Variants in PYGB observed in about 807,000 individuals in gnomAD.
PYGB encodes the protein glycogen phosphorylase, brain form.
PYGB carries 82 observed loss-of-function variants against 94.3 expected under a neutral mutation model. The ratio of observed to expected loss-of-function variants is 0.87; its 90% CI spans 0.73 to 1.04. The LOEUF (loss-of-function observed/expected upper bound fraction) is 1.04, where lower values mean the gene tolerates loss of function less well. Among genes scored for constraint, PYGB ranks in the 50% least tolerant of loss-of-function variants. PYGB has a pLI of 0.00. For synonymous variants in PYGB, 488 were observed against 479.1 expected (o/e 1.02, Z -0.24); for missense variants, 1,132 against 1,158.2 (o/e 0.98, Z 0.33).
Position 25,295,672 on chromosome 20 carries a change from T to G in PYGB, c.2379+2T>G. On this transcript the variant is annotated splice_donor_variant, in intron 19 of 19. Coordinates refer to ENST00000216962, the MANE Select transcript of PYGB (RefSeq NM_002862.4). LOFTEE classifies it high-confidence loss of function. ...GCACAGGTGGACCAGCTGTACCGGG[T>G]GAGGCTCCTGGGTCCAGAGGCTAGG... 6.2e-7 allele frequency: 1 copy of G among 1,612,690 alleles called. No individual in the cohort carries two copies. The highest frequency in any genetic ancestry group is 1.3e-5 in the African/African-American group (1 of 75,024).
intron 1 of PYGB, among the ~76,000 whole-genome samples, chr20:25,251,890 C>G (rs1010698590): frequency 6.6e-6 from 1 of 152,174 alleles, no homozygotes; most frequent in African/African-American, 2.4e-5. Context: ...GAGATAAACA[C>G]AATGAAATAC....
At chr20:25,287,893 AT>A (rs2088431387) in intron 14 of PYGB, among the ~76,000 whole-genome samples, 1 of 151,936 alleles carries the variant, frequency 6.6e-6, no homozygotes, top group African/African-American at 2.4e-5. Flanking sequence ...AGGTGGGAGG[AT>A]TGCTTGAACC....
intron 14 of PYGB, among the ~76,000 whole-genome samples, chr20:25,286,837 C>T (rs2088422406): frequency 6.6e-6 from 1 of 152,240 alleles, no homozygotes; most frequent in African/African-American, 2.4e-5. Flanking sequence ...ACTCCCATGA[C>T]CCTGTCCCCT....
chr20:25,293,675 GC>G (rs1448369876), intron 17 of PYGB, among the ~76,000 whole-genome samples: 2 of 152,172 alleles, frequency 1.3e-5, no homozygotes, highest in African/African-American at 4.8e-5. Context: ...GCCCATGTCT[GC>G]CCGTCCGTCC....
At chr20:25,265,453 T>C (rs1455475408) in intron 2 of PYGB, among the ~76,000 whole-genome samples, 4 of 152,238 alleles carry the variant, frequency 2.6e-5, no homozygotes, top group Non-Finnish European at 5.9e-5. Flanking sequence ...TTATAGTTTT[T>C]ATTTGCATGT....
intron 4 of PYGB, among the ~76,000 whole-genome samples, chr20:25,273,229 T>A (rs867203901): frequency 7.5e-4 from 115 of 152,324 alleles, no homozygotes; most frequent in African/African-American, 2.5e-3. Context: ...GGGAAGCTGT[T>A]GCTTCTGCCG....
At chr20:25,279,892 T>C (rs1220273827) in intron 9 of PYGB, among the ~76,000 whole-genome samples, 1 of 152,186 alleles carries the variant, frequency 6.6e-6, no homozygotes, top group Non-Finnish European at 1.5e-5. Flanking sequence ...TAGTAACCAG[T>C]GTCCTCCCCA....
At position 25,278,312 on chromosome 20, in the gene PYGB, T is replaced by C; in HGVS notation, c.856-7T>C. The stretch of plus-strand genomic sequence containing the variant: ...CTGCACCCTCCAGCTTGCTCTGCTG[T>C]GTGCAGTTCTTTGAGGGGAAGGAGC... On this transcript the variant is annotated splice_region_variant and splice_polypyrimidine_tract_variant and intron_variant, in intron 7 of 19. Transcript: ENST00000216962. 5 of 1,358,538 alleles carry C rather than the reference T, an allele frequency of 3.7e-6. No individual in the cohort carries two copies. The highest frequency in any genetic ancestry group is 3.9e-6 in the Non-Finnish European group (4 of 1,034,742). The allele number at this position is 1,358,538 out of a possible 1,614,324, so 84.2% of individuals were successfully genotyped here.
intron 12 of PYGB, 122 bp downstream of exon 12, chr20:25,282,269 G>A: frequency 1.3e-6 from 1 of 779,970 alleles, no homozygotes; most frequent in Non-Finnish European, 2.0e-6. Flanking sequence ...GTGTTGACCT[G>A]CAGGCTTCTG....
intron 2 of PYGB, among the ~76,000 whole-genome samples, chr20:25,261,388 A>C (rs1246203286): frequency 1.3e-5 from 2 of 152,152 alleles, no homozygotes; most frequent in Non-Finnish European, 2.9e-5. Context: ...GTGGACCTCC[A>C]GCAAACTCCA....
chr20:25,272,228 T>C (rs1194722938), intron 4 of PYGB, among the ~76,000 whole-genome samples: 2 of 152,202 alleles, frequency 1.3e-5, no homozygotes, highest in African/African-American at 4.8e-5. Context: ...ATAAAGCTGG[T>C]CTGGGATTAG....
In PYGB at chr20:25,289,512, G is replaced by A. The variant is rs141485214; in HGVS notation, c.1828-969G>A. 1.4e-3 allele frequency among the ~76,000 whole-genome samples: 207 copies of A among 152,184 alleles called. 1 individual carries two copies. Among genetic ancestry groups the A allele is most frequent in the African/African-American group, 4.7e-3 (195 of 41,514 alleles). On this transcript the variant is annotated intron_variant, in intron 15 of 19. Coordinates refer to ENST00000216962, the MANE Select transcript of PYGB (RefSeq NM_002862.4). The stretch of plus-strand genomic sequence containing the variant: ...AGTGCAAAAATTAGCTGGGCGTGGT[G>A]GTTCATGTCTGTAGTCCCAGTTACT...
chr20:25,254,710 A>G (rs1291081239), intron 1 of PYGB, among the ~76,000 whole-genome samples: 4 of 152,260 alleles, frequency 2.6e-5, no homozygotes, highest in Admixed American at 6.5e-5. Context: ...GACACGGTCC[A>G]GATCACTTAG....
rs377078051 is a variant in PYGB at position 25,248,354 on chromosome 20, C to T, written c.176C>T (p.Thr59Met). The T allele has an allele frequency of 1.7e-5, 27 of 1,599,820 alleles. No individual in the cohort carries two copies. The highest frequency in any genetic ancestry group is 2.1e-5 in the Non-Finnish European group (25 of 1,174,350). The change falls in exon 1 of 20, where the codon ACG becomes ATG. Residue 59 changes from threonine to methionine, a missense_variant. Coordinates refer to ENST00000216962, the MANE Select transcript of PYGB (RefSeq NM_002862.4). ...PRDYFFALAHTVRDHLVGRWI... is the reference protein window; with the variant it reads ...PRDYFFALAHMVRDHLVGRWI... ...GACTACTTCTTCGCGCTGGCGCACA[C>T]GGTGCGCGACCACCTCGTGGGCCGC...
Position 25,284,158 on chromosome 20 carries a change from A to G in PYGB, c.1675A>G (p.Asn559Asp), listed in dbSNP as rs1487059262. 6.2e-7 allele frequency: 1 copy of G among 1,614,046 alleles called. No homozygotes were observed. The highest frequency in any genetic ancestry group is 1.1e-5 in the South Asian group (1 of 91,076). Residue 559 changes from asparagine to aspartate, a missense_variant, in exon 14 of 20, where the codon AAC becomes GAC. Asn to Asp is a conservative substitution (Grantham distance 23). Transcript: ENST00000216962. ...GGAGAAGGAGTACAAGGTGAAGATCAACCCCTCCTCCATGTTCGATGTGCA... is the reference window on the plus strand; with the variant it reads ...GGAGAAGGAGTACAAGGTGAAGATCGACCCCTCCTCCATGTTCGATGTGCA... ...FLEKEYKVKI[N>D]PSSMFDVHVK...
intron 15 of PYGB, chr20:25,289,928 C>T (rs2474775): frequency 0.012 from 6,455 of 533,534 alleles, 222 homozygotes; most frequent in African/African-American, 0.084. Flanking sequence ...AATGTTCACT[C>T]GGGTACTTCA....
intron 1 of PYGB, among the ~76,000 whole-genome samples, chr20:25,248,894 C>CT (rs11473890): frequency 0.021 from 3,217 of 152,126 alleles, 121 homozygotes; most frequent in African/African-American, 0.071. Context: ...AATTGTGAGA[C>CT]TTTTTTTTGT....
Position 25,277,263 on chromosome 20 carries a change from C to A in PYGB, c.792C>A (p.Ile264=). Residue 264 remains isoleucine, a synonymous_variant, in exon 7 of 20, where the codon ATC becomes ATA. Coordinates refer to ENST00000216962, the MANE Select transcript of PYGB (RefSeq NM_002862.4). The part of the protein sequence containing the change: ...KLQDFNVGDY[I]EAVLDRNLAE... ...TCTTAGTCAACGTGGGAGACTACAT[C>A]GAGGCGGTCCTGGACCGGAACTTGG... 1 of 1,576,100 alleles carries A rather than the reference C, an allele frequency of 6.3e-7. No homozygotes were observed. Among genetic ancestry groups the A allele is most frequent in the Non-Finnish European group, 8.7e-7 (1 of 1,145,428 alleles).
chr20:25,284,081 A>G, intron 13 of PYGB, 23 bp from the exon 14 acceptor site: 1 of 1,611,856 alleles, frequency 6.2e-7, no homozygotes. Flanking sequence ...GTCTCCAGCC[A>G]TCTTTCCCTT....
Sources: gnomAD v4.1 joint callset for allele counts (sites outside exome capture counted in the v4.1 genomes callset) on GRCh38, gnomAD v4.1.1 for gene constraint, MANE v1.5 for transcripts, NCBI Gene and HGNC (gene_info 2026-07-23, HGNC 2026-07-21) for gene names.